Variants in SORD observed in about 807,000 individuals in gnomAD.
The protein encoded by SORD is (R,R)-butanediol dehydrogenase.
Under a neutral mutation model 35.6 loss-of-function variants are expected in SORD, and 18 were observed. The observed-to-expected ratio is 0.51, with a 90% confidence interval of 0.35 to 0.75. SORD has a LOEUF of 0.75. Among genes scored for constraint, SORD ranks in the 30% least tolerant of loss-of-function variants. SORD has a pLI of 0.01. For synonymous variants in SORD, 106 were observed against 152.9 expected (o/e 0.69, Z 2.26); for missense variants, 250 against 390.2 (o/e 0.64, Z 3.03).
intron 3 of SORD, chr15:45,050,793 A>G (rs1893112419): frequency 6.6e-6 from 1 of 152,204 alleles, no homozygotes; most frequent in African/African-American, 2.4e-5. Flanking sequence ...CATACTCCAA[A>G]TTTTGTTCAC....
chr15:45,040,453 G>A lies in SORD; in HGVS notation c.100+12G>A, dbSNP rs1342151576. 1.9e-6 allele frequency: 3 copies of A among 1,570,570 alleles called. No individual in the cohort carries two copies. Among genetic ancestry groups the A allele is most frequent in the Non-Finnish European group, 1.8e-6 (2 of 1,141,006 alleles). On this transcript the variant is annotated intron_variant, in intron 2 of 8. Coordinates refer to ENST00000267814, the MANE Select transcript of SORD (RefSeq NM_003104.6). The stretch of plus-strand genomic sequence containing the variant: ...ACCAGGCCCAAATGGTAAGTTCTTG[G>A]GAAACATGACTTATATTTTATTATT...
rs1893457705 is a variant in SORD at position 45,068,973 on chromosome 15, TAGA to T, written c.710_712del (p.Glu237del). ...AGCCCTCAGGAAATCGCCAGGAAAG[TAGA>T]AGGTCAGCTGGGGTGCAAGCCGGAA... On this transcript the variant is annotated inframe_deletion, in exon 7 of 9. Transcript: ENST00000267814. 2 of 1,607,164 alleles carry T rather than the reference TAGA, an allele frequency of 1.2e-6. No homozygotes were observed. The highest frequency in any genetic ancestry group is 1.4e-5 in the African/African-American group (1 of 73,928).
intron 1 of SORD, among the ~76,000 whole-genome samples, chr15:45,028,701 A>T (rs1892720459): frequency 6.6e-6 from 1 of 152,268 alleles, no homozygotes; most frequent in Non-Finnish European, 1.5e-5. Flanking sequence ...GAGGTCCATG[A>T]AGATATTTCT....
chr15:45,027,915 G>A (rs1043298665), intron 1 of SORD, among the ~76,000 whole-genome samples: 2 of 152,222 alleles, frequency 1.3e-5, no homozygotes, highest in African/African-American at 4.8e-5. Context: ...GCATGTGCTG[G>A]GAACTTTAAT....
chr15:45,048,901 C>T (rs1444560449), intron 3 of SORD, among the ~76,000 whole-genome samples: 1 of 152,124 alleles, frequency 6.6e-6, no homozygotes, highest in Non-Finnish European at 1.5e-5. Context: ...TGTGTAGCTG[C>T]GTGTGTAGCT....
At chr15:45,057,251 C>T (rs1265073206) in intron 3 of SORD, among the ~76,000 whole-genome samples, 2 of 151,928 alleles carry the variant, frequency 1.3e-5, no homozygotes, top group Non-Finnish European at 2.9e-5. Flanking sequence ...AACAAAAACC[C>T]ATGTATTTAA....
rs1234839407 is a variant in SORD at position 45,075,237 on chromosome 15, G to A, written c.*1707G>A. On this transcript the variant is annotated 3_prime_UTR_variant, in exon 9 of 9. Transcript: ENST00000267814. ...AGGCCTGAGGTGTCCAGTCCTAGAG[G>A]ACAAATGATGCTCCCCATGCCACCA... 3.4e-5 allele frequency: 4 copies of A among 116,918 alleles called. No individual in the cohort carries two copies. Among genetic ancestry groups the A allele is most frequent in the Non-Finnish European group, 6.4e-5 (4 of 62,946 alleles). The allele number at this position is 116,918 out of a possible 1,614,324, so 7.2% of individuals were successfully genotyped here. A position where few individuals can be genotyped will look rare whatever the true frequency, so the allele number is the denominator to read the frequency against.
chr15:45,034,222 A>G (rs1236134167), intron 1 of SORD, among the ~76,000 whole-genome samples: 1 of 152,016 alleles, frequency 6.6e-6, no homozygotes, highest in Non-Finnish European at 1.5e-5. Context: ...AAATTGGGGC[A>G]CACAGGGGTT....
intron 4 of SORD, among the ~76,000 whole-genome samples, chr15:45,062,922 TC>T (rs1287248879): frequency 6.8e-6 from 1 of 146,590 alleles, no homozygotes; most frequent in African/African-American, 2.7e-5. Context: ...GCATATCAAG[TC>T]TCCAGCATGA....
chr15:45,056,850 T>G (rs1416275066), intron 3 of SORD, among the ~76,000 whole-genome samples: 2 of 152,214 alleles, frequency 1.3e-5, no homozygotes, highest in African/African-American at 4.8e-5. Flanking sequence ...GTAAAAGGGA[T>G]CATTGGTTCC....
At chr15:45,060,357 T>C (rs188899063) in intron 3 of SORD, among the ~76,000 whole-genome samples, 31 of 152,272 alleles carry the variant, frequency 2.0e-4, no homozygotes, top group African/African-American at 5.8e-4. Flanking sequence ...AATAAAAAGA[T>C]AGAAAAAATA....
chr15:45,032,581 G>T (rs1016620369), intron 1 of SORD, among the ~76,000 whole-genome samples: 6 of 152,160 alleles, frequency 3.9e-5, no homozygotes, highest in South Asian at 2.1e-4. Context: ...TGAGATGGGG[G>T]TGTGGTGGCC....
chr15:45,031,611 T>G (rs1001807630), intron 1 of SORD, among the ~76,000 whole-genome samples: 3 of 152,384 alleles, frequency 2.0e-5, no homozygotes, highest in Non-Finnish European at 2.9e-5. Flanking sequence ...TGGCTTCACT[T>G]TCTTATTTTA....
intron 3 of SORD, among the ~76,000 whole-genome samples, chr15:45,053,863 C>A (rs1161766924): frequency 6.2e-5 from 8 of 128,960 alleles, no homozygotes; most frequent in African/African-American, 2.1e-4. Context: ...TCTCATTGTT[C>A]AATTCCCATC....
chr15:45,025,717 A>C (rs11636774), intron 1 of SORD, among the ~76,000 whole-genome samples: 11,746 of 151,922 alleles, frequency 0.077, 861 homozygotes, highest in African/African-American at 0.2. Flanking sequence ...GTGCAGGGAT[A>C]CTATCAGGGG....
At chr15:45,053,936 T>C (rs1294567906) in intron 3 of SORD, among the ~76,000 whole-genome samples, 1 of 144,494 alleles carries the variant, frequency 6.9e-6, no homozygotes, top group Non-Finnish European at 1.5e-5. Flanking sequence ...AGAATGATGA[T>C]TTCCAATTTC....
At chr15:45,031,250 C>T (rs974332324) in intron 1 of SORD, among the ~76,000 whole-genome samples, 5 of 151,794 alleles carry the variant, frequency 3.3e-5, no homozygotes, top group African/African-American at 4.8e-5. Flanking sequence ...CCCAGGAGTT[C>T]GAGATTGTGG....
chr15:45,049,354 G>A (rs995202937), intron 3 of SORD, among the ~76,000 whole-genome samples: 1 of 152,058 alleles, frequency 6.6e-6, no homozygotes, highest in East Asian at 1.9e-4. Flanking sequence ...AGCAGCCAGG[G>A]TTCCTTCTGG....
chr15:45,068,469 G>A (rs1259537571), intron 6 of SORD, among the ~76,000 whole-genome samples: 2 of 150,730 alleles, frequency 1.3e-5, no homozygotes, highest in African/African-American at 4.8e-5. Flanking sequence ...GTGTGTCTGT[G>A]TGTAGCTGTA....
Sources: allele counts gnomAD v4.1 joint callset (sites outside exome capture counted in the v4.1 genomes callset), GRCh38; gene constraint gnomAD v4.1.1; transcripts MANE v1.5; gene names NCBI Gene and HGNC (gene_info 2026-07-23, HGNC 2026-07-21).